The following AGAP1 variants were observed in gnomAD, a reference collection of about 807,000 sequenced individuals.
AGAP1 encodes arf-GAP with GTPase, ANK repeat and PH domain-containing protein 1.
AGAP1 carries 29 observed loss-of-function variants against 105.3 expected under a neutral mutation model. The observed-to-expected ratio is 0.28, with a 90% CI of 0.21 to 0.38. The LOEUF is 0.38. Among genes scored for constraint, AGAP1 ranks in the 10% least tolerant of loss-of-function variants. The pLI is 1.00. For missense variants in AGAP1, 998 were observed against 1,165.1 expected, an observed-to-expected ratio of 0.86 and a Z score of 2.09; for synonymous variants, 509 against 485.9, an observed-to-expected ratio of 1.05 and a Z score of -0.63.
intron 2 of AGAP1, among the ~76,000 whole-genome samples, chr2:235,709,971 T>A (rs1559381277): frequency 6.6e-6 from 1 of 152,208 alleles, no homozygotes; most frequent in Non-Finnish European, 1.5e-5. Flanking sequence ...TATGTCTAAT[T>A]TCCGTGTGTA....
In AGAP1 at chr2:235,979,574, G is replaced by A. The variant is rs572812176; in HGVS notation, c.1645+10951G>A. ...TCTCAGACATACCATAGGCACCAAG[G>A]TGTGGAGCCAGTGAAAGAACAGGCG... On this transcript the variant is annotated intron_variant, in intron 13 of 17. Transcript: ENST00000304032. The surrounding 1 kb of genome is among the most constrained non-coding windows in gnomAD (Gnocchi z 4.5). 1.1e-4 allele frequency among the ~76,000 whole-genome samples: 17 copies of A among 152,266 alleles called. No individual in the cohort carries two copies. In the South Asian group the frequency reaches 1.2e-3, roughly 11 times the overall value.
intron 1 of AGAP1, among the ~76,000 whole-genome samples, chr2:235,674,387 C>A (rs1281057644): frequency 6.6e-6 from 1 of 152,192 alleles, no homozygotes; most frequent in African/African-American, 2.4e-5. Flanking sequence ...TAGGGGGTCC[C>A]CTTGCAGCGC....
chr2:235,567,061 T>A (rs906299963), intron 1 of AGAP1, among the ~76,000 whole-genome samples: 1 of 152,136 alleles, frequency 6.6e-6, no homozygotes, highest in Non-Finnish European at 1.5e-5. Context: ...GGGAGGACAC[T>A]ATTCACCCCA....
rs2050395366 is a variant in AGAP1 at position 235,888,914 on chromosome 2, A to G, written c.1155+5465A>G. 6.6e-6 allele frequency among the ~76,000 whole-genome samples: 1 copy of G among 152,132 alleles called. No individual in the cohort carries two copies. On this transcript the variant is annotated intron_variant, in intron 10 of 17. Transcript: ENST00000304032. This position sits in a 1 kb window ranked among gnomAD's most constrained non-coding sequence, Gnocchi z 4.8. Reference sequence around the variant, plus strand: ...CCTTTGCACACTGTGGAAGCAGGAGACTGACCATTTCCTAACCTTGCCAAA... The same window carrying G: ...CCTTTGCACACTGTGGAAGCAGGAGGCTGACCATTTCCTAACCTTGCCAAA...
At chr2:235,531,930 G>A (rs1352108680) in intron 1 of AGAP1, among the ~76,000 whole-genome samples, 2 of 152,104 alleles carry the variant, frequency 1.3e-5, no homozygotes, top group Non-Finnish European at 2.9e-5. Context: ...CTTTTAAATT[G>A]CAAGCTGGGA....
In AGAP1 at chr2:236,078,577, C is replaced by T. The variant is rs1023781290; in HGVS notation, c.2114+29296C>T. On this transcript the variant is annotated intron_variant, in intron 16 of 17. Transcript: ENST00000304032. This position sits in a 1 kb window ranked among gnomAD's most constrained non-coding sequence, Gnocchi z 5.3. ...GGGGTGGGGTGCATTTTATTGGGCA[C>T]TTTTGCCTTTGAAAACGTAATCTCC... Among the ~76,000 whole-genome samples, 15 of 152,098 alleles carry T rather than the reference C, an allele frequency of 9.9e-5. No homozygotes were observed. The highest frequency in any genetic ancestry group is 3.1e-4 in the African/African-American group (13 of 41,400).
At chr2:235,656,115 T>C (rs1473804333) in intron 1 of AGAP1, among the ~76,000 whole-genome samples, 1 of 152,208 alleles carries the variant, frequency 6.6e-6, no homozygotes, top group Non-Finnish European at 1.5e-5. Flanking sequence ...CTGATTGGCC[T>C]CAGGGGGCCG....
rs1952267861 is a variant in AGAP1 at position 235,736,584 on chromosome 2, A to C, written c.311-4379A>C. Among the ~76,000 whole-genome samples the C allele has an allele frequency of 1.3e-5, 2 of 151,498 alleles. No homozygotes were observed. The highest frequency in any genetic ancestry group is 3.0e-5 in the Non-Finnish European group (2 of 67,596). ...ATGTAAAATTTGATGGTATCCTCTA[A>C]AATTCTGGTGGAAAAAAGATCTCCC... On this transcript the variant is annotated intron_variant, in intron 3 of 17. Coordinates refer to ENST00000304032, the MANE Select transcript of AGAP1 (RefSeq NM_001037131.3). The surrounding 1 kb of genome is among the most constrained non-coding windows in gnomAD (Gnocchi z 5.5).
At chr2:236,007,399 A>G (rs548610039) in intron 13 of AGAP1, among the ~76,000 whole-genome samples, 2 of 152,340 alleles carry the variant, frequency 1.3e-5, no homozygotes, top group South Asian at 2.1e-4. Flanking sequence ...TCAGAACTCA[A>G]CTACAAAGAT....
In AGAP1 at chr2:235,609,853, C is replaced by T. The variant is rs1030177907; in HGVS notation, c.164-99326C>T. Among the ~76,000 whole-genome samples the T allele has an allele frequency of 9.9e-5, 15 of 152,030 alleles. No individual in the cohort carries two copies. Among genetic ancestry groups the T allele is most frequent in the African/African-American group, 3.1e-4 (13 of 41,408 alleles). On this transcript the variant is annotated intron_variant, in intron 1 of 17. Coordinates refer to ENST00000304032, the MANE Select transcript of AGAP1 (RefSeq NM_001037131.3). This position sits in a 1 kb window ranked among gnomAD's most constrained non-coding sequence, Gnocchi z 5.1. ...GGATTGAAGGCGCAACTCTTGGCTT[C>T]GTGTTTCAGAGGTTGGTAAATGGAG...
intron 9 of AGAP1, among the ~76,000 whole-genome samples, chr2:235,850,153 G>A (rs189028507): frequency 3.7e-4 from 56 of 152,332 alleles, no homozygotes; most frequent in African/African-American, 6.0e-4. Flanking sequence ...CAAACCGTGG[G>A]TTAGTAACCG....
At position 235,612,717 on chromosome 2, in the gene AGAP1, T is replaced by TGGCC. The variant is rs111959736; in HGVS notation, c.164-96457_164-96454dup. Among the ~76,000 whole-genome samples the TGGCC allele has an allele frequency of 8.4e-3, 1,263 of 150,360 alleles. 16 individuals are homozygous for TGGCC. The highest frequency in any genetic ancestry group is 0.029 in the African/African-American group (1,161 of 40,674). ...GGCACAGTGGTCCTTTTGCATGGGGTGGCCGGCCAGGTGTGCTGAGTGCCA... is the reference window on the plus strand; with the variant it reads ...GGCACAGTGGTCCTTTTGCATGGGGTGGCCGGCCGGCCAGGTGTGCTGAGTGCCA... On this transcript the variant is annotated intron_variant, in intron 1 of 17. Coordinates refer to ENST00000304032, the MANE Select transcript of AGAP1 (RefSeq NM_001037131.3). This position sits in a 1 kb window ranked among gnomAD's most constrained non-coding sequence, Gnocchi z 4.3.
chr2:235,801,889 C>G lies in AGAP1; in HGVS notation c.957+2367C>G, dbSNP rs1164304778. ...TTTAAGGAGAGAAATTTTAAAACCA[C>G]AAAGTATCTTTAAAAATGAGACTAT... On this transcript the variant is annotated intron_variant, in intron 8 of 17. Transcript: ENST00000304032. The surrounding 1 kb of genome is among the most constrained non-coding windows in gnomAD (Gnocchi z 6.0). Among the ~76,000 whole-genome samples the G allele has an allele frequency of 6.6e-6, 1 of 152,052 alleles. No individual in the cohort carries two copies. Among genetic ancestry groups the G allele is most frequent in the African/African-American group, 2.4e-5 (1 of 41,388 alleles).
chr2:236,089,296 G>A lies in AGAP1; in HGVS notation c.2115-30896G>A, dbSNP rs1176827065. Among the ~76,000 whole-genome samples the A allele has an allele frequency of 3.9e-5, 6 of 152,232 alleles. No individual in the cohort carries two copies. Among genetic ancestry groups the A allele is most frequent in the Admixed American group, 2.0e-4 (3 of 15,278 alleles). On this transcript the variant is annotated intron_variant, in intron 16 of 17. Transcript: ENST00000304032. This position sits in a 1 kb window ranked among gnomAD's most constrained non-coding sequence, Gnocchi z 5.6. ...AACACAAAGAGCAAACTGACACACA[G>A]TTTCCCTGGGCATTGCTACATATTC...
At chr2:235,503,879 A>C (rs958481649) in intron 1 of AGAP1, among the ~76,000 whole-genome samples, 7 of 152,110 alleles carry the variant, frequency 4.6e-5, no homozygotes, top group African/African-American at 1.4e-4. Flanking sequence ...TACAGGCATG[A>C]GCCACTGTGC....
At chr2:235,545,518 C>T (rs1202245966) in intron 1 of AGAP1, among the ~76,000 whole-genome samples, 1 of 152,192 alleles carries the variant, frequency 6.6e-6, no homozygotes, top group Non-Finnish European at 1.5e-5. Flanking sequence ...GGGTTTTCTG[C>T]TTTAGCACAT....
Position 235,744,669 on chromosome 2 carries a change from C to A in AGAP1, c.397-29C>A, listed in dbSNP as rs1221975917. Reference sequence around the variant, plus strand: ...TTAATCAAGCCTGCTCACTCAGCTCCTGCTCTCCTCCCCTTCTTCTCTCCC... The same window carrying A: ...TTAATCAAGCCTGCTCACTCAGCTCATGCTCTCCTCCCCTTCTTCTCTCCC... On this transcript the variant is annotated intron_variant, in intron 4 of 17. Transcript: ENST00000304032. The surrounding 1 kb of genome is among the most constrained non-coding windows in gnomAD (Gnocchi z 5.2). 6.2e-7 allele frequency: 1 copy of A among 1,613,754 alleles called. No individual in the cohort carries two copies. Among genetic ancestry groups the A allele is most frequent in the East Asian group, 2.2e-5 (1 of 44,834 alleles).
intron 1 of AGAP1, among the ~76,000 whole-genome samples, chr2:235,583,653 G>C (rs1945008809): frequency 6.7e-6 from 1 of 150,318 alleles, no homozygotes; most frequent in Admixed American, 6.6e-5. Context: ...GAGGCAGGTG[G>C]ATCAGTTGAG....
At chr2:236,107,632 G>T (rs1161800052) in intron 16 of AGAP1, among the ~76,000 whole-genome samples, 1 of 152,186 alleles carries the variant, frequency 6.6e-6, no homozygotes, top group Non-Finnish European at 1.5e-5. Context: ...TTGGGGACAA[G>T]ACTAAGCTCA....
Sources: gnomAD v4.1 joint callset for allele counts (sites outside exome capture counted in the v4.1 genomes callset) on GRCh38, gnomAD v4.1.1 for gene constraint, Gnocchi (gnomAD v3.1) non-coding constraint, MANE v1.5 for transcripts, NCBI Gene and HGNC (gene_info 2026-07-23, HGNC 2026-07-21) for gene names.